DLC1: variants seen among roughly 807,000 people sequenced by gnomAD.
DLC1 encodes DLC1 Rho GTPase activating protein, also known as rho GTPase-activating protein 7.
A neutral mutation model predicts 140.3 loss-of-function variants in DLC1; 54 were observed. The observed-to-expected ratio is 0.38, with a 90% CI of 0.31 to 0.48. The LOEUF is 0.48. Ranked by LOEUF, DLC1 falls within the 20% of genes least tolerant of loss-of-function variation. The pLI is 0.96. For synonymous variants in DLC1, 986 were observed against 728.1 expected, an observed-to-expected ratio of 1.35 and a Z score of -5.70; for missense variants, 2,536 against 1,907.0, an observed-to-expected ratio of 1.33 and a Z score of -6.14.
At chr8:13,207,661 G>C (rs767306843) in intron 5 of DLC1, among the ~76,000 whole-genome samples, 1 of 152,134 alleles carries the variant, frequency 6.6e-6, no homozygotes, top group Non-Finnish European at 1.5e-5. Context: ...GTTATTTAGA[G>C]TAGTGGTTCT....
chr8:13,224,094 C>G (rs768291683), intron 5 of DLC1, among the ~76,000 whole-genome samples: 19 of 152,122 alleles, frequency 1.2e-4, no homozygotes, highest in Non-Finnish European at 2.1e-4. Flanking sequence ...CAACTTTTTC[C>G]TTTGACAAAA....
chr8:13,381,942 T>C (rs1187750145), intron 4 of DLC1, among the ~76,000 whole-genome samples: 1 of 152,046 alleles, frequency 6.6e-6, no homozygotes, highest in African/African-American at 2.4e-5. Flanking sequence ...GCTAGACAGA[T>C]GGAAACAGAG....
intron 5 of DLC1, among the ~76,000 whole-genome samples, chr8:13,235,788 C>T (rs1433907742): frequency 6.6e-6 from 1 of 151,912 alleles, no homozygotes; most frequent in Admixed American, 6.6e-5. Context: ...GACAAATTGC[C>T]ACATACACAT....
rs774943627 is a variant in DLC1 at position 13,499,611 on chromosome 8, A to G, written c.461T>C (p.Ile154Thr). The G allele has an allele frequency of 5.6e-6, 9 of 1,614,034 alleles. No individual in the cohort carries two copies. The highest frequency in any genetic ancestry group is 2.2e-5 in the South Asian group (2 of 91,090). The change falls in exon 2 of 18, where the codon ATA becomes ACA. Residue 154 changes from isoleucine to threonine, a missense_variant. Physicochemically the swap from Ile to Thr is moderately conservative, Grantham distance 89. Transcript: ENST00000276297. ...GTTAGAAGAAACTTGGTTACTTTGT[A>G]TGATGGGCAGTGCCTTTTCTAAGGA... Reference protein sequence around the residue: ...AGSLEKALPIIQSNQVSSNSW... With the variant: ...AGSLEKALPITQSNQVSSNSW...
At position 13,401,740 on chromosome 8, in the gene DLC1, G is replaced by T. The variant is rs1837310546; in HGVS notation, c.1024-121C>A. On this transcript the variant is annotated intron_variant, in intron 2 of 17. Transcript: ENST00000276297. Reference sequence around the variant, plus strand: ...GATAATAGGCAGTCTTTAATTAGAAGAGAAGTTCCATTCTGTATCATCAAT... The same window carrying T: ...GATAATAGGCAGTCTTTAATTAGAATAGAAGTTCCATTCTGTATCATCAAT... 2.3e-6 allele frequency: 3 copies of T among 1,298,708 alleles called. No individual in the cohort carries two copies. The South Asian group carries it at 4.6e-5, about 20-fold the overall frequency. 80.4% of individuals were successfully genotyped at this position (1,298,708 alleles called of 1,614,324 possible).
chr8:13,373,643 T>A (rs1396089615), intron 4 of DLC1, among the ~76,000 whole-genome samples: 1 of 152,230 alleles, frequency 6.6e-6, no homozygotes, highest in African/African-American at 2.4e-5. Flanking sequence ...ATTGTATGTA[T>A]TACTTTCAGA....
intron 4 of DLC1, among the ~76,000 whole-genome samples, chr8:13,372,407 A>T (rs1835768960): frequency 6.6e-6 from 1 of 152,162 alleles, no homozygotes; most frequent in Non-Finnish European, 1.5e-5. Context: ...AAACAGAAGA[A>T]CCGTTTGAGG....
intron 5 of DLC1, among the ~76,000 whole-genome samples, chr8:13,263,644 A>G (rs970191861): frequency 2.0e-5 from 3 of 151,212 alleles, no homozygotes; most frequent in African/African-American, 7.3e-5. Flanking sequence ...TTATATGTAT[A>G]TATAATAGAT....
intron 5 of DLC1, among the ~76,000 whole-genome samples, chr8:13,116,782 G>GA (rs1820592496): frequency 6.6e-6 from 1 of 151,876 alleles, no homozygotes; most frequent in African/African-American, 2.4e-5. Context: ...ACAGGAAAGA[G>GA]AAAAAAAATA....
At chr8:13,405,917 T>TTTTCTTTCTTTCCTTC (rs1554514391) in intron 2 of DLC1, among the ~76,000 whole-genome samples, 89 of 84,944 alleles carry the variant, frequency 1.0e-3, no homozygotes, top group Middle Eastern at 6.4e-3. Context: ...CTTTCTTTTC[T>TTTTCTTTCTTTCCTTC]TTTCTTTCTT....
intron 5 of DLC1, among the ~76,000 whole-genome samples, chr8:13,122,057 CG>C (rs1821126696): frequency 6.6e-6 from 1 of 152,154 alleles, no homozygotes; most frequent in Admixed American, 6.5e-5. Flanking sequence ...AGCCTCCTCA[CG>C]GAACTCTGAT....
At chr8:13,566,804 A>G in intron 1 of DLC1, 1 of 722,956 alleles carries the variant, frequency 1.4e-6, no homozygotes, top group Non-Finnish European at 2.1e-6. Context: ...GGGACGCCGC[A>G]TGGTGGCCAG....
chr8:13,413,256 A>AT lies in DLC1; in HGVS notation c.1024-11638dup, dbSNP rs58038503. 5.1e-3 allele frequency among the ~76,000 whole-genome samples: 416 copies of AT among 81,996 alleles called. 22 individuals carry two copies. Among genetic ancestry groups the AT allele is most frequent in the Middle Eastern group, 0.021 (3 of 146 alleles). 53.8% of individuals were successfully genotyped at this position (81,996 alleles called of 152,430 possible). ...TAAAACATTATGAGATTTTTTTGCG[A>AT]TTTTTTTTTTTTTTTTTTTTTAGCT... On this transcript the variant is annotated intron_variant, in intron 2 of 17. Coordinates refer to ENST00000276297, the MANE Select transcript of DLC1 (RefSeq NM_182643.3).
chr8:13,472,494 C>G (rs1800253011), intron 2 of DLC1, among the ~76,000 whole-genome samples: 1 of 152,148 alleles, frequency 6.6e-6, no homozygotes, highest in Admixed American at 6.5e-5. Context: ...GGACAAATGA[C>G]CATTAATCTT....
intron 1 of DLC1, among the ~76,000 whole-genome samples, chr8:13,590,890 T>C (rs183940175): frequency 2.0e-5 from 3 of 152,268 alleles, no homozygotes; most frequent in Admixed American, 2.0e-4. Flanking sequence ...CCTTTCTTTT[T>C]CTAAAAGCGA....
intron 2 of DLC1, among the ~76,000 whole-genome samples, chr8:13,484,898 A>G (rs568344918): frequency 6.6e-6 from 1 of 152,050 alleles, no homozygotes; most frequent in African/African-American, 2.4e-5. Context: ...TGGGACTCAC[A>G]GTGGTTGGAC....
At chr8:13,263,677 G>A (rs576913471) in intron 5 of DLC1, among the ~76,000 whole-genome samples, 1 of 150,982 alleles carries the variant, frequency 6.6e-6, no homozygotes, top group African/African-American at 2.4e-5. Flanking sequence ...ACTTGACTTT[G>A]TTAATATCTT....
intron 5 of DLC1, among the ~76,000 whole-genome samples, chr8:13,184,498 G>A (rs754250244): frequency 3.9e-5 from 6 of 152,166 alleles, no homozygotes; most frequent in Non-Finnish European, 8.8e-5. Flanking sequence ...GGTACATTGT[G>A]TCTTTGTTCT....
chr8:13,509,146 T>C (rs912412580), intron 1 of DLC1, among the ~76,000 whole-genome samples: 4 of 152,224 alleles, frequency 2.6e-5, no homozygotes, highest in Non-Finnish European at 5.9e-5. Context: ...ATCATCATCA[T>C]GGTGAGATGC....
Sources: gnomAD v4.1 joint callset for allele counts (sites outside exome capture counted in the v4.1 genomes callset) on GRCh38, gnomAD v4.1.1 for gene constraint, MANE v1.5 for transcripts, NCBI Gene and HGNC (gene_info 2026-07-23, HGNC 2026-07-21) for gene names.